Variants in HS6ST3 observed in about 807,000 individuals in gnomAD.
HS6ST3 encodes the protein heparan-sulfate 6-O-sulfotransferase 3.
In HS6ST3, 12 loss-of-function variants were observed where a neutral mutation model predicts 36.7. The observed-to-expected ratio is 0.33, with a 90% CI of 0.21 to 0.53. HS6ST3 has a LOEUF of 0.53. Among genes scored for constraint, HS6ST3 ranks in the 20% least tolerant of loss-of-function variants. HS6ST3 has a pLI of 0.95. For missense variants in HS6ST3, 584 were observed against 640.9 expected, an observed-to-expected ratio of 0.91 and a Z score of 0.96; for synonymous variants, 240 against 257.5, an observed-to-expected ratio of 0.93 and a Z score of 0.65.
intron 1 of HS6ST3, among the ~76,000 whole-genome samples, chr13:96,341,505 TCTAA>T (rs1350083724): frequency 6.6e-6 from 1 of 152,148 alleles, no homozygotes; most frequent in Non-Finnish European, 1.5e-5. Flanking sequence ...AAGGGCCAAC[TCTAA>T]CAAATTCCCT....
chr13:96,291,977 A>C (rs1594744848), intron 1 of HS6ST3, among the ~76,000 whole-genome samples: 1 of 152,162 alleles, frequency 6.6e-6, no homozygotes, highest in East Asian at 1.9e-4. Flanking sequence ...ACAAGATGCT[A>C]AGAGTTATGT....
chr13:96,793,433 A>G (rs967373403), intron 1 of HS6ST3, among the ~76,000 whole-genome samples: 15 of 152,038 alleles, frequency 9.9e-5, no homozygotes, highest in African/African-American at 3.6e-4. Flanking sequence ...ATTATTCTGG[A>G]GTGAAATTAG....
intron 1 of HS6ST3, among the ~76,000 whole-genome samples, chr13:96,214,471 A>C (rs932811188): frequency 6.6e-6 from 1 of 152,204 alleles, no homozygotes; most frequent in Non-Finnish European, 1.5e-5. Context: ...TTTAAAATAA[A>C]AGCTTTGTTA....
chr13:96,795,917 A>G (rs1164771784), intron 1 of HS6ST3, among the ~76,000 whole-genome samples: 1 of 152,108 alleles, frequency 6.6e-6, no homozygotes, highest in Non-Finnish European at 1.5e-5. Context: ...AATGACAATC[A>G]CTGTGAATGC....
intron 1 of HS6ST3, among the ~76,000 whole-genome samples, chr13:96,765,604 C>G (rs999901226): frequency 3.3e-5 from 5 of 151,562 alleles, no homozygotes; most frequent in Non-Finnish European, 1.5e-5. Flanking sequence ...CTCTCTCTCT[C>G]TCTCTCTCTC....
At chr13:96,826,796 C>A (rs1878658387) in intron 1 of HS6ST3, among the ~76,000 whole-genome samples, 1 of 152,170 alleles carries the variant, frequency 6.6e-6, no homozygotes, top group Non-Finnish European at 1.5e-5. Flanking sequence ...TGTGTGTATT[C>A]CATTTGGTGT....
intron 1 of HS6ST3, among the ~76,000 whole-genome samples, chr13:96,254,010 G>C (rs1341558389): frequency 6.6e-6 from 1 of 152,172 alleles, no homozygotes; most frequent in Non-Finnish European, 1.5e-5. Flanking sequence ...TGTAGAAAGT[G>C]AAAAGGGTAA....
At chr13:96,670,833 T>C in intron 1 of HS6ST3, among the ~76,000 whole-genome samples, 1 of 152,026 alleles carries the variant, frequency 6.6e-6, no homozygotes, top group African/African-American at 2.4e-5. Context: ...AGATGGAAAA[T>C]GTTTTGCATC....
chr13:96,240,217 T>G (rs1045551922), intron 1 of HS6ST3, among the ~76,000 whole-genome samples: 2 of 152,138 alleles, frequency 1.3e-5, no homozygotes, highest in Admixed American at 6.6e-5. Flanking sequence ...CCTAGCAGTA[T>G]AAATTTGATA....
intron 1 of HS6ST3, among the ~76,000 whole-genome samples, chr13:96,461,802 A>C (rs975811367): frequency 2.0e-5 from 3 of 152,184 alleles, no homozygotes; most frequent in African/African-American, 7.2e-5. Context: ...ACAGACAGCA[A>C]TTCCAAATTC....
intron 1 of HS6ST3, among the ~76,000 whole-genome samples, chr13:96,600,331 C>G (rs1316939795): frequency 1.5e-5 from 1 of 64,716 alleles, no homozygotes; most frequent in Admixed American, 1.7e-4. Flanking sequence ...GAGTTAGGTA[C>G]ACACACACAC....
chr13:96,543,689 A>G (rs2056186788), intron 1 of HS6ST3, among the ~76,000 whole-genome samples: 1 of 152,286 alleles, frequency 6.6e-6, no homozygotes, highest in South Asian at 2.1e-4. Flanking sequence ...GAAGGGAATC[A>G]GTTTCAGGAC....
At chr13:96,471,015 C>T (rs1160576342) in intron 1 of HS6ST3, among the ~76,000 whole-genome samples, 7 of 152,194 alleles carry the variant, frequency 4.6e-5, no homozygotes, top group East Asian at 1.9e-4. Flanking sequence ...TGCTTTATAT[C>T]CCTGATGCCT....
intron 1 of HS6ST3, among the ~76,000 whole-genome samples, chr13:96,557,001 C>G (rs1486572945): frequency 6.6e-6 from 1 of 152,108 alleles, no homozygotes; most frequent in Non-Finnish European, 1.5e-5. Flanking sequence ...GATGTCAGTT[C>G]CAATTTTTTG....
Position 96,091,344 on chromosome 13 carries a change from T to G in HS6ST3, c.482T>G (p.Phe161Cys). ...ATCCAGAAGACGGGGGGCACCACTTTCGGCCGGCACCTGGTGAAGAACATC... is the reference window on the plus strand; with the variant it reads ...ATCCAGAAGACGGGGGGCACCACTTGCGGCCGGCACCTGGTGAAGAACATC... ...LHIQKTGGTT[F>C]GRHLVKNIRL... The change falls in exon 1 of 2, where the codon TTC (phenylalanine) becomes TGC (cysteine). Residue 161 changes from phenylalanine (F) to cysteine (C), a missense_variant. Phe to Cys is a radical substitution (Grantham distance 205). This residue lies in a region of HS6ST3 where 360 missense variants were observed against 411.3 expected (regional missense o/e 0.88). Transcript: ENST00000376705. 2 of 1,614,066 alleles carry G rather than the reference T, an allele frequency of 1.2e-6. No homozygotes were observed. The highest frequency in any genetic ancestry group is 1.7e-6 in the Non-Finnish European group (2 of 1,179,988).
At chr13:96,363,931 TAGAAAATAAA>T (rs1318311773) in intron 1 of HS6ST3, among the ~76,000 whole-genome samples, 1 of 152,058 alleles carries the variant, frequency 6.6e-6, no homozygotes, top group Non-Finnish European at 1.5e-5. Flanking sequence ...TTTTAAAAAC[TAGAAAATAAA>T]TGAAAATATA....
chr13:96,357,037 C>G (rs1258038394), intron 1 of HS6ST3, among the ~76,000 whole-genome samples: 1 of 152,182 alleles, frequency 6.6e-6, no homozygotes, highest in Non-Finnish European at 1.5e-5. Flanking sequence ...CATGAACTCA[C>G]CTCTGCTAGC....
intron 1 of HS6ST3, among the ~76,000 whole-genome samples, chr13:96,497,814 A>T (rs543381494): frequency 6.6e-6 from 1 of 152,218 alleles, no homozygotes; most frequent in South Asian, 2.1e-4. Flanking sequence ...AGACTTCCTG[A>T]CCTTCTTAAA....
rs560773327 is a variant in HS6ST3 at position 96,561,016 on chromosome 13, T to A, written c.708-271474T>A. 7.9e-5 allele frequency among the ~76,000 whole-genome samples: 12 copies of A among 152,236 alleles called. No homozygotes were observed. The South Asian group carries it at 2.5e-3, about 32-fold the overall frequency. ...TTTCTATCAAGCTACCAATGACATT[T>A]TTCACAGAACTGGAAAAAAAACTAT... On this transcript the variant is annotated intron_variant, in intron 1 of 1. Transcript: ENST00000376705.
Sources: allele counts gnomAD v4.1 joint callset (sites outside exome capture counted in the v4.1 genomes callset), GRCh38; gene constraint gnomAD v4.1.1; regional missense constraint gnomAD v4.1.1; transcripts MANE v1.5; gene names NCBI Gene and HGNC (gene_info 2026-07-23, HGNC 2026-07-21).